Variants in RNLS observed in about 807,000 individuals in gnomAD.
The protein encoded by RNLS is renalase, FAD dependent amine oxidase, also known as renalase.
In RNLS, 39 loss-of-function variants were observed where a neutral mutation model predicts 39.8. That is an observed-to-expected ratio of 0.98 (90% CI 0.76 to 1.28). The LOEUF (loss-of-function observed/expected upper bound fraction) is 1.28. Ranked by LOEUF, RNLS falls within the 50% of genes most tolerant of loss-of-function variation. RNLS has a pLI of 0.00. For synonymous variants in RNLS, 147 were observed against 150.7 expected (o/e 0.98, Z 0.18); for missense variants, 410 against 413.3 (o/e 0.99, Z 0.07).
the RNLS span, among the ~76,000 whole-genome samples, chr10:88,232,178 C>T: frequency 6.6e-6 from 1 of 152,148 alleles, no homozygotes; most frequent in Non-Finnish European, 1.5e-5. Flanking sequence ...AGTCGGGTGC[C>T]CAATGCTACA....
intron 4 of RNLS, among the ~76,000 whole-genome samples, chr10:88,529,469 C>G (rs1847295033): frequency 6.6e-6 from 1 of 152,180 alleles, no homozygotes; most frequent in Non-Finnish European, 1.5e-5. Flanking sequence ...CTCTTTCTCT[C>G]TCTCAGCTGG....
intron 5 of RNLS, among the ~76,000 whole-genome samples, chr10:88,317,781 C>T (rs1845872713): frequency 6.6e-6 from 1 of 152,016 alleles, no homozygotes; most frequent in African/African-American, 2.4e-5. Flanking sequence ...AGAAGAGATC[C>T]AGGACCTGAC....
intron 5 of RNLS, among the ~76,000 whole-genome samples, chr10:88,359,922 T>C (rs1192244167): frequency 6.6e-6 from 1 of 152,210 alleles, no homozygotes; most frequent in African/African-American, 2.4e-5. Flanking sequence ...AAAATATCAC[T>C]GGGTCCTATA....
chr10:88,171,901 A>C, the RNLS span, among the ~76,000 whole-genome samples: 1 of 152,116 alleles, frequency 6.6e-6, no homozygotes, highest in African/African-American at 2.4e-5. Flanking sequence ...CTGTGTGCTT[A>C]ACTTCATATG....
At chr10:88,243,998 T>C in the RNLS span, among the ~76,000 whole-genome samples, 1 of 152,220 alleles carries the variant, frequency 6.6e-6, no homozygotes, top group East Asian at 1.9e-4. Flanking sequence ...CCAGGACTGA[T>C]AACGCCTTTG....
chr10:88,537,655 A>C (rs1469318185), intron 4 of RNLS, among the ~76,000 whole-genome samples: 3 of 152,144 alleles, frequency 2.0e-5, no homozygotes, highest in Admixed American at 6.6e-5. Context: ...GGCAAAAAAA[A>C]CAATCTATGC....
chr10:88,192,275 C>G, the RNLS span, among the ~76,000 whole-genome samples: 1 of 152,024 alleles, frequency 6.6e-6, no homozygotes, highest in Non-Finnish European at 1.5e-5. Context: ...TCCTATCTGC[C>G]TTGTAGGTAT....
chr10:88,578,872 G>A lies in RNLS; in HGVS notation c.367+2695C>T, dbSNP rs183284193. 2.0e-5 allele frequency among the ~76,000 whole-genome samples: 3 copies of A among 152,200 alleles called. No homozygotes were observed. In the East Asian group the frequency reaches 5.8e-4, roughly 29 times the overall value. On this transcript the variant is annotated intron_variant, in intron 3 of 6. Coordinates refer to ENST00000331772, the MANE Select transcript of RNLS (RefSeq NM_001031709.3). ...TCAACTCCATGAAGGCAAGGACATT[G>A]GTTCTTGTATCATTAGTACCTAGAA...
chr10:88,534,325 T>C (rs1847618425), intron 4 of RNLS, among the ~76,000 whole-genome samples: 1 of 152,152 alleles, frequency 6.6e-6, no homozygotes, highest in African/African-American at 2.4e-5. Context: ...TGTGACCTAA[T>C]ACTGGTCATA....
chr10:88,172,861 T>TTTTTTTTG, the RNLS span, among the ~76,000 whole-genome samples: 1 of 83,416 alleles, frequency 1.2e-5, no homozygotes, highest in South Asian at 5.1e-4. Context: ...TTTTTTTTTT[T>TTTTTTTTG]TTTTTTTTTT....
the RNLS span, among the ~76,000 whole-genome samples, chr10:88,191,246 A>G: frequency 6.6e-6 from 1 of 152,102 alleles, no homozygotes; most frequent in Admixed American, 6.6e-5. Context: ...TGCGCATTGT[A>G]TAGGGTGTCT....
chr10:88,427,068 C>T (rs1430494911), intron 4 of RNLS, among the ~76,000 whole-genome samples: 1 of 151,952 alleles, frequency 6.6e-6, no homozygotes, highest in Non-Finnish European at 1.5e-5. Flanking sequence ...CCCACAGGTA[C>T]CATTATTACC....
At chr10:88,337,175 C>G (rs748182158) in intron 5 of RNLS, among the ~76,000 whole-genome samples, 64 of 152,150 alleles carry the variant, frequency 4.2e-4, no homozygotes, top group Non-Finnish European at 8.7e-4. Flanking sequence ...TGGTAAAGGT[C>G]TTCTGTCTGG....
In RNLS at chr10:88,348,536, C is replaced by T. The variant is rs934546901; in HGVS notation, c.700+14016G>A. On this transcript the variant is annotated intron_variant, in intron 5 of 6. Transcript: ENST00000331772. ...CTTAGGGTATTTAATGTTTAAGACT[C>T]ACGTTTTAGTATGGATGCTGTATAG... Among the ~76,000 whole-genome samples, 17 of 152,258 alleles carry T rather than the reference C, an allele frequency of 1.1e-4. No individual in the cohort carries two copies. In the South Asian group the frequency reaches 3.5e-3, roughly 32 times the overall value.
intron 4 of RNLS, among the ~76,000 whole-genome samples, chr10:88,396,089 A>G (rs1043367776): frequency 2.0e-5 from 3 of 152,116 alleles, no homozygotes; most frequent in African/African-American, 7.2e-5. Flanking sequence ...AAAACTACTC[A>G]AGGAAGTCCT....
chr10:88,504,144 C>T (rs1845653153), intron 4 of RNLS, among the ~76,000 whole-genome samples: 1 of 152,132 alleles, frequency 6.6e-6, no homozygotes, highest in African/African-American at 2.4e-5. Context: ...ATTTCAAACT[C>T]ATGAGAGATC....
chr10:88,554,176 A>G (rs1848736899), intron 4 of RNLS, among the ~76,000 whole-genome samples: 2 of 149,190 alleles, frequency 1.3e-5, no homozygotes, highest in Non-Finnish European at 3.0e-5. Context: ...GTTTGATCCA[A>G]AAAAAAAAAG....
chr10:88,282,240 C>G (rs932502053), downstream of RNLS, among the ~76,000 whole-genome samples: 11 of 152,042 alleles, frequency 7.2e-5, no homozygotes, highest in African/African-American at 2.7e-4. Context: ...CCACATGATG[C>G]GGACTGTACC....
At chr10:88,290,138 A>G (rs528397205) in intron 6 of RNLS, among the ~76,000 whole-genome samples, 1 of 152,312 alleles carries the variant, frequency 6.6e-6, no homozygotes, top group East Asian at 1.9e-4. Flanking sequence ...ATGATAGTTG[A>G]TTATTTGCAA....
Sources: allele counts gnomAD v4.1 joint callset (sites outside exome capture counted in the v4.1 genomes callset), GRCh38; gene constraint gnomAD v4.1.1; transcripts MANE v1.5; gene names NCBI Gene and HGNC (gene_info 2026-07-23, HGNC 2026-07-21).